Variants in ZMYND11 observed in about 807,000 individuals in gnomAD.
ZMYND11 encodes the protein zinc finger MYND-type containing 11.
A neutral mutation model predicts 84.9 loss-of-function variants in ZMYND11; 9 were observed. The observed-to-expected ratio is 0.11, with a 90% CI of 0.06 to 0.18. The LOEUF is 0.18. Among genes scored for constraint, ZMYND11 ranks in the 10% least tolerant of loss-of-function variants. The probability of loss-of-function intolerance (pLI) is 1.00; values close to 1 mark genes in which losing one functional copy is unlikely to be tolerated. For synonymous variants in ZMYND11, 250 were observed against 244.1 expected (o/e 1.02, Z -0.23); for missense variants, 409 against 761.0 (o/e 0.54, Z 5.44).
In ZMYND11 at chr10:254,379, A is replaced by G. The variant is rs958756605; in HGVS notation, c.*1909A>G. On this transcript the variant is annotated 3_prime_UTR_variant, in exon 15 of 15. Transcript: ENST00000381604. Reference sequence around the variant, plus strand: ...TGTTTAAAAAAAAACAAAATTAAAAAAAGAGATTGTGGCCTGGTTTTGTAA... The same window carrying G: ...TGTTTAAAAAAAAACAAAATTAAAAGAAGAGATTGTGGCCTGGTTTTGTAA... 1 of 152,686 alleles carries G rather than the reference A, an allele frequency of 6.5e-6. No individual in the cohort carries two copies. The highest frequency in any genetic ancestry group is 1.5e-5 in the Non-Finnish European group (1 of 68,048). The allele number at this position is 152,686 out of a possible 1,614,324, so 9.5% of individuals were successfully genotyped here. A position where few individuals can be genotyped will look rare whatever the true frequency, so the allele number is the denominator to read the frequency against.
intron 4 of ZMYND11, among the ~76,000 whole-genome samples, chr10:225,888 T>C (rs1948032403): frequency 1.3e-5 from 2 of 152,162 alleles, no homozygotes; most frequent in Admixed American, 1.3e-4. Flanking sequence ...CATTGCCTTG[T>C]AGAGCAGGGC....
At chr10:168,027 T>G (rs1844415153) in intron 1 of ZMYND11, among the ~76,000 whole-genome samples, 1 of 152,128 alleles carries the variant, frequency 6.6e-6, no homozygotes, top group Non-Finnish European at 1.5e-5. Flanking sequence ...ATCTCAGGTT[T>G]GGCTGGGGAG....
rs12253974 is a variant in ZMYND11, at chr10:156,264, G to C, written c.-20+20705G>C. On this transcript the variant is annotated intron_variant, in intron 1 of 14. Transcript: ENST00000381604. ...AGAGAGAAGCAGCCCCTGTGCAACT[G>C]AGTCGATTTTTCTGTATTGTTGCAT... Among the ~76,000 whole-genome samples the C allele has an allele frequency of 1.8e-3, 278 of 152,306 alleles. 3 individuals carry two copies. Among genetic ancestry groups the C allele is most frequent in the African/African-American group, 6.5e-3 (272 of 41,546 alleles).
chr10:174,883 T>C (rs1358049732), intron 1 of ZMYND11, among the ~76,000 whole-genome samples: 2 of 150,284 alleles, frequency 1.3e-5, no homozygotes, highest in Non-Finnish European at 3.0e-5. Flanking sequence ...ATGCTTGTCA[T>C]TCATACATTG....
chr10:212,622 C>T (rs1476007594), intron 3 of ZMYND11, among the ~76,000 whole-genome samples: 1 of 151,314 alleles, frequency 6.6e-6, no homozygotes, highest in Non-Finnish European at 1.5e-5. Context: ...CCTCAGCTGT[C>T]GTATGGGCAT....
intron 4 of ZMYND11, among the ~76,000 whole-genome samples, chr10:225,044 T>C (rs1321403472): frequency 6.6e-6 from 1 of 151,600 alleles, no homozygotes; most frequent in African/African-American, 2.4e-5. Flanking sequence ...AAAATTGCTT[T>C]TAAGATTTTA....
rs962855984 is a variant in ZMYND11 at position 218,389 on chromosome 10, T to A, written c.277-2806T>A. The A allele has an allele frequency of 4.2e-5, 10 of 240,812 alleles. No homozygotes were observed. In the South Asian group the frequency reaches 5.2e-4, roughly 13 times the overall value. The allele number at this position is 240,812 out of a possible 1,614,324, so 14.9% of individuals were successfully genotyped here. A position where few individuals can be genotyped will look rare whatever the true frequency, so the allele number is the denominator to read the frequency against. On this transcript the variant is annotated intron_variant, in intron 3 of 14. Coordinates refer to ENST00000381604, the MANE Select transcript of ZMYND11 (RefSeq NM_001370100.5). ...CCTGTGTGAAATCCCTTTAGCCCTGTGTATTGCCTGACATTTAGCAAAGTT... is the reference window on the plus strand; with the variant it reads ...CCTGTGTGAAATCCCTTTAGCCCTGAGTATTGCCTGACATTTAGCAAAGTT...
At chr10:225,081 C>T (rs1453614115) in intron 4 of ZMYND11, among the ~76,000 whole-genome samples, 1 of 151,974 alleles carries the variant, frequency 6.6e-6, no homozygotes, top group Non-Finnish European at 1.5e-5. Flanking sequence ...AAAGAAATAC[C>T]TTTAAAACAC....
At position 239,580 on chromosome 10, in the gene ZMYND11, A is replaced by G. The variant is rs868853638; in HGVS notation, c.697+55A>G. On this transcript the variant is annotated intron_variant, in intron 7 of 14. Transcript: ENST00000381604. The stretch of plus-strand genomic sequence containing the variant: ...TTTTTAAACACACCATTTACATTCC[A>G]TGTTGAACACTATCTTTTATAAAAC... 124 of 1,165,378 alleles carry G rather than the reference A, an allele frequency of 1.1e-4. 1 individual carries two copies. In the African/African-American group the frequency reaches 1.8e-3, roughly 17 times the overall value. The allele number at this position is 1,165,378 out of a possible 1,614,324, so 72.2% of individuals were successfully genotyped here.
intron 2 of ZMYND11, among the ~76,000 whole-genome samples, chr10:186,438 C>T (rs546690452): frequency 6.6e-5 from 10 of 151,744 alleles, no homozygotes; most frequent in South Asian, 2.1e-4. Context: ...GTCAGGAGTT[C>T]GAGACTAGCC....
At chr10:183,527 A>AT (rs1848319527) in intron 2 of ZMYND11, among the ~76,000 whole-genome samples, 1 of 152,122 alleles carries the variant, frequency 6.6e-6, no homozygotes, top group African/African-American at 2.4e-5. Context: ...TAATCATCCA[A>AT]TCTATCTTTC....
upstream of ZMYND11, among the ~76,000 whole-genome samples, chr10:132,417 T>C (rs1005047102): frequency 2.6e-5 from 4 of 152,000 alleles, no homozygotes; most frequent in African/African-American, 9.7e-5. Context: ...TGAATGTTTC[T>C]TATCCTCTTG....
At chr10:246,153 T>C (rs1236792550) in intron 10 of ZMYND11, among the ~76,000 whole-genome samples, 2 of 152,262 alleles carry the variant, frequency 1.3e-5, no homozygotes, top group Admixed American at 6.5e-5. Context: ...ATCGCACTTA[T>C]GTTCACAGCT....
intron 1 of ZMYND11, among the ~76,000 whole-genome samples, chr10:139,728 T>TTG (rs1257279694): frequency 1.4e-5 from 2 of 139,466 alleles, no homozygotes; most frequent in African/African-American, 5.5e-5. Flanking sequence ...TTTTTTTTTT[T>TTG]GGAGATAGGG....
chr10:174,986 A>C (rs1465457427), intron 1 of ZMYND11, among the ~76,000 whole-genome samples: 1 of 151,034 alleles, frequency 6.6e-6, no homozygotes, highest in Non-Finnish European at 1.5e-5. Flanking sequence ...CTTGTCATTC[A>C]TACGTTGGTC....
chr10:154,057 A>G (rs1841075653), intron 1 of ZMYND11, among the ~76,000 whole-genome samples: 1 of 152,138 alleles, frequency 6.6e-6, no homozygotes, highest in South Asian at 2.1e-4. Context: ...TGTTCACCAC[A>G]CTTACTGTTT....
In ZMYND11 at chr10:215,561, GT is replaced by G. The variant is rs764307085; in HGVS notation, c.276+5527del. ...GGCCTAGGGGGCATCTTTGTTTTTT[GT>G]TTTTTTTTTTTTTGAGACAGGGTCT... On this transcript the variant is annotated intron_variant, in intron 3 of 14. Transcript: ENST00000381604. Among the ~76,000 whole-genome samples the G allele has an allele frequency of 1.8e-3, 245 of 138,204 alleles. 1 individual carries two copies. Among genetic ancestry groups the G allele is most frequent in the Admixed American group, 2.3e-3 (31 of 13,756 alleles). 90.7% of individuals were successfully genotyped at this position (138,204 alleles called of 152,430 possible). A position where few individuals can be genotyped will look rare whatever the true frequency, so the allele number is the denominator to read the frequency against.
At chr10:176,408 T>C (rs1846633470) in intron 1 of ZMYND11, among the ~76,000 whole-genome samples, 1 of 152,190 alleles carries the variant, frequency 6.6e-6, no homozygotes, top group Non-Finnish European at 1.5e-5. Flanking sequence ...CAAAGAGTCT[T>C]CTGTTCTTTC....
intron 2 of ZMYND11, among the ~76,000 whole-genome samples, chr10:203,909 G>A (rs1238962296): frequency 1.3e-5 from 2 of 152,084 alleles, no homozygotes; most frequent in South Asian, 4.1e-4. Context: ...GTAATATAGA[G>A]CTTATGTCAT....
Sources: gnomAD v4.1 joint callset for allele counts (sites outside exome capture counted in the v4.1 genomes callset) on GRCh38, gnomAD v4.1.1 for gene constraint, MANE v1.5 for transcripts, NCBI Gene and HGNC (gene_info 2026-07-23, HGNC 2026-07-21) for gene names.